JPH3: variants seen among roughly 807,000 people sequenced by gnomAD.
JPH3 encodes the protein junctophilin 3.
JPH3 carries 11 observed loss-of-function variants against 59.6 expected under a neutral mutation model. The observed-to-expected ratio is 0.18, with a 90% CI of 0.12 to 0.31. JPH3 has a LOEUF of 0.31. JPH3 is among the 10% of genes least tolerant of loss of function. The pLI is 1.00. For missense variants in JPH3, 1,202 were observed against 1,105.7 expected (o/e 1.09, Z -1.24); for synonymous variants, 673 against 483.6 (o/e 1.39, Z -5.14).
At chr16:87,696,429 C>T (rs1188511700) in intron 4 of JPH3, 151 bp from the exon 5 acceptor site, 1 of 655,968 alleles carries the variant, frequency 1.5e-6, no homozygotes, top group Admixed American at 2.5e-5. Context: ...TTCTGGTGGG[C>T]CTTTGGTGTC....
intron 2 of JPH3, among the ~76,000 whole-genome samples, chr16:87,646,158 G>A (rs962283550): frequency 5.3e-5 from 8 of 152,252 alleles, no homozygotes; most frequent in African/African-American, 1.9e-4. Flanking sequence ...AGTTCCTCCA[G>A]GAAAGCTCCC....
At chr16:87,683,173 A>T (rs2033336194) in intron 2 of JPH3, among the ~76,000 whole-genome samples, 1 of 152,108 alleles carries the variant, frequency 6.6e-6, no homozygotes, top group Non-Finnish European at 1.5e-5. Flanking sequence ...TGGTCCCGCA[A>T]CCCACACCGG....
At chr16:87,623,393 G>A (rs975151846) in intron 1 of JPH3, among the ~76,000 whole-genome samples, 1 of 152,196 alleles carries the variant, frequency 6.6e-6, no homozygotes, top group Non-Finnish European at 1.5e-5. Context: ...CCCCAGCCAG[G>A]GCAGGACCTG....
chr16:87,679,332 T>A (rs1468922484), intron 2 of JPH3, among the ~76,000 whole-genome samples: 1 of 152,158 alleles, frequency 6.6e-6, no homozygotes, highest in African/African-American at 2.4e-5. Context: ...GGATCTGGAA[T>A]GTTCTCTGGC....
rs2030737135 is a variant in JPH3, at chr16:87,611,678, G to A, written c.382+8150G>A. ...ATGCCAGTGCTTCCCAAGCCTGAGT[G>A]TTACAAGAACCACCTGGAAGGTGTG... is the stretch of plus-strand genomic sequence containing the variant. On this transcript the variant is annotated intron_variant, in intron 1 of 4. Transcript: ENST00000284262. This position sits in a 1 kb window ranked among gnomAD's most constrained non-coding sequence, Gnocchi z 4.5. Among the ~76,000 whole-genome samples, 1 of 152,140 alleles carries A rather than the reference G, an allele frequency of 6.6e-6. No homozygotes were observed. Among genetic ancestry groups the A allele is most frequent in the African/African-American group, 2.4e-5 (1 of 41,416 alleles).
intron 2 of JPH3, among the ~76,000 whole-genome samples, chr16:87,674,663 T>G (rs1018667566): frequency 6.6e-6 from 1 of 152,234 alleles, no homozygotes; most frequent in African/African-American, 2.4e-5. Flanking sequence ...TGTGGGAAGC[T>G]GGACACATGT....
At chr16:87,651,525 A>G (rs1413038135) in intron 2 of JPH3, among the ~76,000 whole-genome samples, 2 of 152,260 alleles carry the variant, frequency 1.3e-5, no homozygotes, top group Non-Finnish European at 2.9e-5. Context: ...AAACATCCAC[A>G]TTAACAAGAA....
At chr16:87,602,464 G>GGGGCGCGCGGGCGGGCGGGGTGC (rs1339665006), upstream of JPH3, among the ~76,000 whole-genome samples, 1 of 132,558 alleles carries the variant, frequency 7.5e-6, no homozygotes, top group Non-Finnish European at 1.7e-5. Context: ...GGGGCGGGCG[G>GGGGCGCGCGGGCGGGCGGGGTGC]GGGCGCGCGG....
chr16:87,690,553 C>T, intron 4 of JPH3, 27 bp downstream of exon 4: 2 of 1,445,768 alleles, frequency 1.4e-6, no homozygotes, highest in East Asian at 2.5e-5. Context: ...CAGGCTGGTC[C>T]CAGTGGAGGC....
chr16:87,643,514 T>C (rs147082364), intron 1 of JPH3, among the ~76,000 whole-genome samples: 4 of 152,330 alleles, frequency 2.6e-5, no homozygotes, highest in African/African-American at 9.6e-5. Flanking sequence ...CCTCCAGCAA[T>C]GGGGAGCTCA....
At chr16:87,687,801 G>A (rs761831402) in intron 3 of JPH3, among the ~76,000 whole-genome samples, 10 of 152,186 alleles carry the variant, frequency 6.6e-5, no homozygotes, top group South Asian at 4.1e-4. Flanking sequence ...GCCTGATCTC[G>A]GCAGCAGTGG....
intron 3 of JPH3, 59 bp downstream of exon 3, chr16:87,684,325 C>T (rs1046058151): frequency 1.3e-6 from 2 of 1,588,516 alleles, no homozygotes; most frequent in Admixed American, 1.8e-5. Context: ...GATGGCTGGG[C>T]AGTCCTGGCA....
At chr16:87,629,557 A>G (rs2031495048) in intron 1 of JPH3, among the ~76,000 whole-genome samples, 1 of 152,106 alleles carries the variant, frequency 6.6e-6, no homozygotes, top group Non-Finnish European at 1.5e-5. Flanking sequence ...GCAGCCTTCA[A>G]TGCCTGGTGC....
chr16:87,650,180 G>T (rs559371450), intron 2 of JPH3, among the ~76,000 whole-genome samples: 6 of 152,224 alleles, frequency 3.9e-5, no homozygotes, highest in Non-Finnish European at 5.9e-5. Context: ...TCGTGTGTCC[G>T]TGCCACACTT....
rs574009211 is a variant in JPH3, at chr16:87,676,039, C to T, written c.1161-8103C>T. On this transcript the variant is annotated intron_variant, in intron 2 of 4. Transcript: ENST00000284262. The stretch of plus-strand genomic sequence containing the variant: ...GCTGATGGATATGGGGTTTCTGTCG[C>T]AGGCGACGAAAGTGCTGTAAAGTTA... Among the ~76,000 whole-genome samples the T allele has an allele frequency of 4.2e-4, 64 of 152,374 alleles. 1 individual carries two copies. Among genetic ancestry groups the T allele is most frequent in the African/African-American group, 1.5e-3 (62 of 41,594 alleles).
chr16:87,694,307 C>T (rs369549888), intron 4 of JPH3: 10 of 152,434 alleles, frequency 6.6e-5, no homozygotes, highest in African/African-American at 2.4e-4. Context: ...GAAGACCAGC[C>T]TAGGTGCTGG....
chr16:87,641,147 C>T (rs1001751923), intron 1 of JPH3, among the ~76,000 whole-genome samples: 1 of 152,196 alleles, frequency 6.6e-6, no homozygotes, highest in African/African-American at 2.4e-5. Context: ...GACCTCTGGG[C>T]AAGAGGCTGA....
intron 2 of JPH3, among the ~76,000 whole-genome samples, chr16:87,661,516 T>TG (rs1225515534): frequency 6.6e-6 from 1 of 152,144 alleles, no homozygotes; most frequent in Non-Finnish European, 1.5e-5. Context: ...GGTCCAGGAC[T>TG]GGGGAGGGGT....
chr16:87,615,068 G>A (rs559725223), intron 1 of JPH3, among the ~76,000 whole-genome samples: 18 of 149,626 alleles, frequency 1.2e-4, no homozygotes, highest in African/African-American at 3.7e-4. Context: ...CCCTGCACAC[G>A]TGAGGAGCTG....
Sources: gnomAD v4.1 joint callset for allele counts (sites outside exome capture counted in the v4.1 genomes callset) on GRCh38, gnomAD v4.1.1 for gene constraint, Gnocchi (gnomAD v3.1) non-coding constraint, MANE v1.5 for transcripts, NCBI Gene and HGNC (gene_info 2026-07-23, HGNC 2026-07-21) for gene names.